ZMYM5: variants seen among roughly 807,000 people sequenced by gnomAD.
ZMYM5 encodes the protein zinc finger MYM-type containing 5.
A neutral mutation model predicts 61.8 loss-of-function variants in ZMYM5; 41 were observed. The ratio of observed to expected loss-of-function variants is 0.66; its 90% CI spans 0.52 to 0.86. The LOEUF is 0.86. Ranked by LOEUF, ZMYM5 falls within the 40% of genes least tolerant of loss-of-function variation. The pLI is 0.00. For synonymous variants in ZMYM5, 257 were observed against 276.4 expected (o/e 0.93, Z 0.70); for missense variants, 706 against 786.7 (o/e 0.90, Z 1.23).
In ZMYM5 at chr13:19,824,462, A is replaced by G. The variant is rs769271405; in HGVS notation, c.*15T>C. The G allele has an allele frequency of 1.6e-6, 2 of 1,276,348 alleles. No homozygotes were observed. Among genetic ancestry groups the G allele is most frequent in the Non-Finnish European group, 2.0e-6 (2 of 985,250 alleles). 79.1% of individuals were successfully genotyped at this position (1,276,348 alleles called of 1,614,324 possible). A position where few individuals can be genotyped will look rare whatever the true frequency, so the allele number is the denominator to read the frequency against. ...TAAGATTCTGATCATCATGCCAAAA[A>G]ACAACTCAGGTATATTACGTGTACA... On this transcript the variant is annotated 3_prime_UTR_variant, in exon 8 of 8. Coordinates refer to ENST00000337963, the MANE Select transcript of ZMYM5 (RefSeq NM_001142684.2).
intron 4 of ZMYM5, among the ~76,000 whole-genome samples, chr13:19,840,954 G>A (rs1292870977): frequency 3.3e-5 from 5 of 150,018 alleles, no homozygotes; most frequent in Non-Finnish European, 7.4e-5. Flanking sequence ...TGGGATTACA[G>A]GCCTGAGCCA....
At chr13:19,847,944 C>T (rs9315165) in intron 4 of ZMYM5, among the ~76,000 whole-genome samples, 14,846 of 150,366 alleles carry the variant, frequency 0.099, 860 homozygotes, top group African/African-American at 0.16. Flanking sequence ...TGAGCCACTG[C>T]GCCCGGACTA....
intron 7 of ZMYM5, 35 bp from the exon 8 acceptor site, chr13:19,825,270 T>A (rs753906104): frequency 8.3e-7 from 1 of 1,202,098 alleles, no homozygotes. Context: ...TTATTTTAGG[T>A]TAAACTTTTA....
At chr13:19,859,826 C>T (rs942226339) in intron 2 of ZMYM5, among the ~76,000 whole-genome samples, 1 of 149,442 alleles carries the variant, frequency 6.7e-6, no homozygotes, top group Non-Finnish European at 1.5e-5. Context: ...TTACACAGGC[C>T]GGGTGTGGTA....
At chr13:19,835,410 T>C in intron 7 of ZMYM5, 67 bp downstream of exon 7, 2 of 1,087,824 alleles carry the variant, frequency 1.8e-6, no homozygotes, top group Non-Finnish European at 2.5e-6. Flanking sequence ...ATAAATCCGG[T>C]TCATGTAAGA....
intron 6 of ZMYM5, among the ~76,000 whole-genome samples, chr13:19,836,878 G>A (rs1952688715): frequency 6.6e-6 from 1 of 152,150 alleles, no homozygotes; most frequent in African/African-American, 2.4e-5. Flanking sequence ...TGGGAAGATT[G>A]CAATATCACT....
At chr13:19,845,982 C>CTATA (rs1953059767) in intron 4 of ZMYM5, among the ~76,000 whole-genome samples, 2 of 152,168 alleles carry the variant, frequency 1.3e-5, no homozygotes, top group Admixed American at 1.3e-4. Context: ...AGTTTCAATC[C>CTATA]TATAGTTCAT....
At chr13:19,849,404 G>A (rs144457741) in intron 4 of ZMYM5, among the ~76,000 whole-genome samples, 21 of 152,226 alleles carry the variant, frequency 1.4e-4, no homozygotes, top group Non-Finnish European at 2.5e-4. Flanking sequence ...CATTACAGGG[G>A]TGTGCCACTG....
intron 4 of ZMYM5, among the ~76,000 whole-genome samples, chr13:19,840,548 A>AT (rs1206045559): frequency 1.3e-5 from 2 of 151,704 alleles, no homozygotes; most frequent in East Asian, 1.9e-4. Context: ...TAATTTTTTT[A>AT]TTTTTTGTAG....
intron 6 of ZMYM5, 62 bp from the exon 7 acceptor site, chr13:19,835,751 T>A: frequency 7.5e-6 from 9 of 1,203,252 alleles, no homozygotes; most frequent in Non-Finnish European, 1.0e-5. Flanking sequence ...TAGCAAGCAA[T>A]GAGATAACTA....
chr13:19,836,306 GC>G (rs1445423249), intron 6 of ZMYM5, among the ~76,000 whole-genome samples: 1 of 145,184 alleles, frequency 6.9e-6, no homozygotes, highest in Admixed American at 6.9e-5. Context: ...TTGCTATGTT[GC>G]CCTGGGCTCG....
At chr13:19,851,505 G>T in intron 3 of ZMYM5, 57 bp from the exon 4 acceptor site, 1 of 1,590,824 alleles carries the variant, frequency 6.3e-7, no homozygotes, top group Non-Finnish European at 8.6e-7. Context: ...TTACTTGACT[G>T]AAGTCCTTTA....
intron 7 of ZMYM5, 145 bp downstream of exon 7, chr13:19,835,332 G>T (rs1952641723): frequency 1.4e-5 from 8 of 555,844 alleles, no homozygotes; most frequent in South Asian, 1.3e-4. Flanking sequence ...AACAATCTTA[G>T]ACTTGAATAT....
At chr13:19,859,424 A>ACGGAGTCT (rs1953641671) in intron 2 of ZMYM5, among the ~76,000 whole-genome samples, 1 of 152,046 alleles carries the variant, frequency 6.6e-6, no homozygotes, top group Non-Finnish European at 1.5e-5. Context: ...TGTTTTTGAG[A>ACGGAGTCT]CGGAGTCTCG....
intron 4 of ZMYM5, among the ~76,000 whole-genome samples, chr13:19,844,808 A>T (rs770248257): frequency 6.6e-5 from 10 of 152,166 alleles, no homozygotes; most frequent in Non-Finnish European, 1.3e-4. Flanking sequence ...TTTTTAGCAG[A>T]GACGGGGTTT....
intron 7 of ZMYM5, among the ~76,000 whole-genome samples, chr13:19,831,072 C>T (rs1891188780): frequency 1.3e-5 from 2 of 151,522 alleles, no homozygotes; most frequent in Non-Finnish European, 1.5e-5. Flanking sequence ...ATCTCCTGAC[C>T]CGCCTTGGCC....
intron 2 of ZMYM5, among the ~76,000 whole-genome samples, chr13:19,861,148 C>G (rs1202251450): frequency 6.6e-6 from 1 of 151,912 alleles, no homozygotes; most frequent in Non-Finnish European, 1.5e-5. Context: ...TGCCCAGAGC[C>G]ACTTTACCCA....
At chr13:19,856,635 T>C (rs1953521871) in intron 2 of ZMYM5, among the ~76,000 whole-genome samples, 3 of 146,546 alleles carry the variant, frequency 2.0e-5, no homozygotes, top group African/African-American at 7.7e-5. Flanking sequence ...GGCGAAACTC[T>C]GTCTCAGAAG....
intron 6 of ZMYM5, among the ~76,000 whole-genome samples, chr13:19,837,024 GTTTTTTT>G (rs11449895): frequency 0.1 from 14,883 of 143,938 alleles, 873 homozygotes; most frequent in African/African-American, 0.17. Context: ...GTTGTTTTTT[GTTTTTTT>G]TTTTTTCTTT....
Sources: gnomAD v4.1 joint callset for allele counts (sites outside exome capture counted in the v4.1 genomes callset) on GRCh38, gnomAD v4.1.1 for gene constraint, MANE v1.5 for transcripts, NCBI Gene and HGNC (gene_info 2026-07-23, HGNC 2026-07-21) for gene names.